JMJD1C: variants seen among roughly 807,000 people sequenced by gnomAD.
JMJD1C encodes the protein jumonji domain containing 1C.
Under a neutral mutation model 245.3 loss-of-function variants are expected in JMJD1C, and 31 were observed. The observed-to-expected ratio is 0.13, with a 90% CI of 0.09 to 0.17. The LOEUF (loss-of-function observed/expected upper bound fraction) is 0.17, where lower values mean the gene tolerates loss of function less well. Among genes scored for constraint, JMJD1C ranks in the 10% least tolerant of loss-of-function variants. The pLI is 1.00. For synonymous variants in JMJD1C, 1,057 were observed against 1,017.4 expected, an observed-to-expected ratio of 1.04 and a Z score of -0.74; for missense variants, 2,691 against 3,000.2, an observed-to-expected ratio of 0.90 and a Z score of 2.41.
chr10:63,264,748 AC>A lies in JMJD1C; in HGVS notation c.349del (p.Val117LeufsTer12). On this transcript the variant is annotated frameshift_variant, in exon 3 of 26. Transcript: ENST00000399262. LOFTEE classifies it high-confidence loss of function. ...GACTGAACTGGGTATATTTCTTTCA[AC>A]CAGAGGTTTGAAAGTCTGCCAAGAA... Reference protein sequence around the residue: ...QWPALTFKPLVERNIPSSVTA... With the variant: ...QWPALTFKPLXERNIPSSVTA... 1 of 1,570,566 alleles carries A rather than the reference AC, an allele frequency of 6.4e-7. No homozygotes were observed. Among genetic ancestry groups the A allele is most frequent in the Non-Finnish European group, 8.6e-7 (1 of 1,156,938 alleles).
intron 1 of JMJD1C, among the ~76,000 whole-genome samples, chr10:63,475,057 A>G (rs2133164697): frequency 6.6e-6 from 1 of 152,338 alleles, no homozygotes; most frequent in East Asian, 1.9e-4. Flanking sequence ...TTAAGCGAGT[A>G]TAAAATGTAA....
intron 2 of JMJD1C, among the ~76,000 whole-genome samples, chr10:63,280,605 T>C (rs1024654177): frequency 6.6e-6 from 1 of 152,160 alleles, no homozygotes. Context: ...AAGGAATATA[T>C]TTCTGCCTCT....
intron 2 of JMJD1C, among the ~76,000 whole-genome samples, chr10:63,310,504 G>C (rs1939030064): frequency 1.3e-5 from 2 of 152,170 alleles, no homozygotes; most frequent in African/African-American, 4.8e-5. Context: ...TTAAAGAGGT[G>C]GTGTTAGATT....
intron 1 of JMJD1C, among the ~76,000 whole-genome samples, chr10:63,382,991 T>C (rs1947330617): frequency 1.3e-5 from 2 of 152,204 alleles, no homozygotes; most frequent in South Asian, 4.1e-4. Context: ...TTAAGTGTAA[T>C]AAAAGTATCT....
chr10:63,449,733 AGGGATACTAC>A (rs1335766402), intron 1 of JMJD1C, among the ~76,000 whole-genome samples: 4 of 152,178 alleles, frequency 2.6e-5, no homozygotes, highest in Non-Finnish European at 5.9e-5. Flanking sequence ...GAATAGCTGG[AGGGATACTAC>A]ATGTTATTTG....
chr10:63,390,315 C>G (rs906966072), intron 1 of JMJD1C, among the ~76,000 whole-genome samples: 7 of 151,972 alleles, frequency 4.6e-5, no homozygotes, highest in African/African-American at 1.7e-4. Context: ...ATACAACTAC[C>G]AAGATTGAAT....
rs115634453 is a variant in JMJD1C at position 63,178,300 on chromosome 10, C to T, written c.7085-444G>A. Among the ~76,000 whole-genome samples, 650 of 152,168 alleles carry T rather than the reference C, an allele frequency of 4.3e-3. 5 individuals are homozygous for T. The highest frequency in any genetic ancestry group is 0.015 in the African/African-American group (638 of 41,508). ...TATATGTTCATAACTTTTAGGACTA[C>T]AAGAATAGATAAGTGGATACAAAGC... On this transcript the variant is annotated intron_variant, in intron 22 of 25. Transcript: ENST00000399262.
intron 2 of JMJD1C, among the ~76,000 whole-genome samples, chr10:63,357,826 GACACACACACACACACAC>G (rs35073293): frequency 3.6e-5 from 5 of 140,436 alleles, no homozygotes; most frequent in South Asian, 4.7e-4. Flanking sequence ...CAGACAGACA[GACACACACACACACACAC>G]ACACACACAC....
At chr10:63,210,810 G>A (rs1383241181) in intron 8 of JMJD1C, among the ~76,000 whole-genome samples, 1 of 152,178 alleles carries the variant, frequency 6.6e-6, no homozygotes, top group Non-Finnish European at 1.5e-5. Context: ...TGGTAAAGAG[G>A]ATAATATAGT....
intron 8 of JMJD1C, among the ~76,000 whole-genome samples, 187 bp from the exon 9 acceptor site, chr10:63,209,422 T>C (rs1193131057): frequency 1.3e-5 from 2 of 152,156 alleles, no homozygotes; most frequent in African/African-American, 4.8e-5. Flanking sequence ...AATAATAACA[T>C]AATTAAACAG....
intron 2 of JMJD1C, among the ~76,000 whole-genome samples, chr10:63,367,739 ACG>A (rs1945975714): frequency 6.6e-6 from 1 of 152,228 alleles, no homozygotes. Context: ...AGATGTTTCC[ACG>A]AGAGACCCAT....
rs1847612281 is a variant in JMJD1C at position 63,213,487 on chromosome 10, C to A, written c.2680G>T (p.Ala894Ser). Reference sequence around the variant, plus strand: ...GTGTAACTTACCCTCCTTAATGAAGCTTCAGCATTAACTGCATTTTCTGGG... The same window carrying A: ...GTGTAACTTACCCTCCTTAATGAAGATTCAGCATTAACTGCATTTTCTGGG... The part of the protein sequence containing the change: ...VHPENAVNAE[A>S]SLRRNSPSPW... Residue 894 changes from alanine to serine, a missense_variant, in exon 8 of 26, where the codon GCT (alanine) becomes TCT (serine). Transcript: ENST00000399262. 6.3e-7 allele frequency: 1 copy of A among 1,593,186 alleles called. No individual in the cohort carries two copies. Among genetic ancestry groups the A allele is most frequent in the Admixed American group, 1.7e-5 (1 of 59,574 alleles).
intron 1 of JMJD1C, among the ~76,000 whole-genome samples, chr10:63,408,932 C>T (rs948472472): frequency 6.6e-6 from 1 of 152,058 alleles, no homozygotes; most frequent in African/African-American, 2.4e-5. Context: ...ATATACAAAC[C>T]TGAATGTACT....
intron 2 of JMJD1C, among the ~76,000 whole-genome samples, chr10:63,363,199 A>G (rs770998655): frequency 2.6e-5 from 4 of 151,806 alleles, no homozygotes; most frequent in Non-Finnish European, 4.4e-5. Context: ...TTAGCTTGCC[A>G]ACTGTGAGAA....
chr10:63,331,151 G>GT (rs1479622914), intron 2 of JMJD1C, among the ~76,000 whole-genome samples: 5 of 152,062 alleles, frequency 3.3e-5, no homozygotes, highest in African/African-American at 7.2e-5. Flanking sequence ...CTAAAACAAA[G>GT]TTTTTTCTCT....
intron 21 of JMJD1C, among the ~76,000 whole-genome samples, chr10:63,184,101 A>G (rs1209173412): frequency 6.6e-6 from 1 of 150,938 alleles, no homozygotes; most frequent in Non-Finnish European, 1.5e-5. Flanking sequence ...TAATTTTTCT[A>G]TTTTTAGTAG....
rs1384781333 is a variant in JMJD1C, at chr10:63,350,765, C to T, written c.333+29553G>A. 4.0e-5 allele frequency among the ~76,000 whole-genome samples: 6 copies of T among 151,258 alleles called. No homozygotes were observed. The East Asian group carries it at 9.9e-4, about 25-fold the overall frequency. ...CTGAGTAGCTAGGACTACAGGCGCC[C>T]GCCACCGTGCCCAGCTAATTTTTTT... On this transcript the variant is annotated intron_variant, in intron 2 of 25. Coordinates refer to ENST00000399262, the MANE Select transcript of JMJD1C (RefSeq NM_032776.3).
At chr10:63,260,606 T>C (rs1368936533) in intron 3 of JMJD1C, among the ~76,000 whole-genome samples, 1 of 152,076 alleles carries the variant, frequency 6.6e-6, no homozygotes, top group Non-Finnish European at 1.5e-5. Flanking sequence ...CTATTTTTTT[T>C]TGAGATGTAG....
intron 3 of JMJD1C, among the ~76,000 whole-genome samples, chr10:63,258,401 C>T (rs905521143): frequency 1.3e-5 from 2 of 152,200 alleles, no homozygotes; most frequent in African/African-American, 4.8e-5. Context: ...AACCAACATG[C>T]CATTGTTACA....
Sources: gnomAD v4.1 joint callset for allele counts (sites outside exome capture counted in the v4.1 genomes callset) on GRCh38, gnomAD v4.1.1 for gene constraint, MANE v1.5 for transcripts, NCBI Gene and HGNC (gene_info 2026-07-23, HGNC 2026-07-21) for gene names.